The following EPS15 variants were observed in gnomAD, a reference collection of about 807,000 sequenced individuals.
The protein encoded by EPS15 is epidermal growth factor receptor pathway substrate 15.
A neutral mutation model predicts 113.8 loss-of-function variants in EPS15; 72 were observed. The ratio of observed to expected loss-of-function variants is 0.63; its 90% CI spans 0.52 to 0.77. EPS15 has a LOEUF of 0.77. Ranked by LOEUF, EPS15 falls within the 30% of genes least tolerant of loss-of-function variation. The pLI is 0.00. For missense variants in EPS15, 1,048 were observed against 1,045.8 expected, an observed-to-expected ratio of 1.00 and a Z score of -0.03; for synonymous variants, 344 against 363.4, an observed-to-expected ratio of 0.95 and a Z score of 0.61.
intron 5 of EPS15, among the ~76,000 whole-genome samples, chr1:51,465,820 A>C (rs1654803804): frequency 6.6e-6 from 1 of 152,038 alleles, no homozygotes; most frequent in Non-Finnish European, 1.5e-5. Context: ...AAAAGTGCAG[A>C]AATTCTCTAA....
At chr1:51,372,900 C>T (rs1209969015) in intron 21 of EPS15, 2 of 780,298 alleles carry the variant, frequency 2.6e-6, no homozygotes, top group Non-Finnish European at 3.7e-6. Flanking sequence ...CTGGAAAAAA[C>T]AGCCACAGGC....
intron 8 of EPS15, among the ~76,000 whole-genome samples, chr1:51,451,509 G>A (rs868018516): frequency 0.029 from 3,653 of 127,120 alleles, 90 homozygotes; most frequent in Non-Finnish European, 0.047. Flanking sequence ...AAAAAAAAAA[G>A]AAAGAAAGAA....
At chr1:51,427,833 A>T (rs953428432) in intron 12 of EPS15, among the ~76,000 whole-genome samples, 1 of 152,234 alleles carries the variant, frequency 6.6e-6, no homozygotes, top group Admixed American at 6.5e-5. Flanking sequence ...TAAGAAGCAG[A>T]CTAAGAAGAA....
At chr1:51,447,508 A>G (rs1005784904) in intron 9 of EPS15, among the ~76,000 whole-genome samples, 1 of 152,134 alleles carries the variant, frequency 6.6e-6, no homozygotes, top group African/African-American at 2.4e-5. Flanking sequence ...TGATTTGCAT[A>G]TCCTGTCATT....
Position 51,358,709 on chromosome 1 carries a change from G to GTTTTTTTTTT in EPS15, c.2545-1873_2545-1864dup, listed in dbSNP as rs71063028. Among the ~76,000 whole-genome samples the GTTTTTTTTTT allele has an allele frequency of 4.4e-4, 53 of 121,360 alleles. 1 individual carries two copies. Among genetic ancestry groups the GTTTTTTTTTT allele is most frequent in the Non-Finnish European group, 5.8e-4 (33 of 56,902 alleles). 79.6% of individuals were successfully genotyped at this position (121,360 alleles called of 152,430 possible). ...CTTCCAACCAGATTTGTTTTTTTTT[G>GTTTTTTTTTT]TTTTTTTTTTTTTTTTTGAGGCGGA... is the stretch of plus-strand genomic sequence containing the variant. On this transcript the variant is annotated intron_variant, in intron 24 of 24. Coordinates refer to ENST00000371733, the MANE Select transcript of EPS15 (RefSeq NM_001981.3).
intron 8 of EPS15, among the ~76,000 whole-genome samples, chr1:51,453,963 T>C (rs1653774556): frequency 6.6e-6 from 1 of 150,462 alleles, no homozygotes; most frequent in Admixed American, 6.6e-5. Flanking sequence ...GGCAGGAGAA[T>C]TGTTTGAACC....
chr1:51,504,502 GCAAA>G (rs1215910948), intron 1 of EPS15, among the ~76,000 whole-genome samples: 3 of 152,052 alleles, frequency 2.0e-5, no homozygotes, highest in Non-Finnish European at 4.4e-5. Flanking sequence ...GAAAATATAT[GCAAA>G]CCACGTATCT....
At chr1:51,409,807 G>A in intron 13 of EPS15, 111 bp from the exon 14 acceptor site, 1 of 707,414 alleles carries the variant, frequency 1.4e-6, no homozygotes, top group Non-Finnish European at 2.4e-6. Flanking sequence ...AGTATACTGT[G>A]TTGATGAGAC....
At chr1:51,492,719 C>CA (rs1055280568) in intron 1 of EPS15, among the ~76,000 whole-genome samples, 33 of 151,462 alleles carry the variant, frequency 2.2e-4, no homozygotes, top group African/African-American at 5.3e-4. Flanking sequence ...AACAAACAAA[C>CA]AAAAAAAACA....
chr1:51,501,804 C>T (rs570712803), intron 1 of EPS15, among the ~76,000 whole-genome samples: 1 of 152,210 alleles, frequency 6.6e-6, no homozygotes, highest in African/African-American at 2.4e-5. Context: ...AGATAAACTA[C>T]ATTTACCATG....
intron 22 of EPS15, among the ~76,000 whole-genome samples, chr1:51,364,699 A>G (rs1465956676): frequency 1.3e-5 from 2 of 151,806 alleles, no homozygotes; most frequent in Non-Finnish European, 2.9e-5. Context: ...GAGTTTCGTT[A>G]TGTTGCCCAG....
At chr1:51,437,193 C>T (rs773972963) in intron 12 of EPS15, among the ~76,000 whole-genome samples, 21 of 152,102 alleles carry the variant, frequency 1.4e-4, no homozygotes, top group Non-Finnish European at 2.4e-4. Flanking sequence ...ACAAAGACAA[C>T]GAAATCTCAT....
intron 15 of EPS15, among the ~76,000 whole-genome samples, chr1:51,406,539 A>C (rs1649148928): frequency 6.6e-6 from 1 of 152,230 alleles, no homozygotes. Flanking sequence ...TCCTTTAAGA[A>C]GAATCCTCTG....
At position 51,396,211 on chromosome 1, in the gene EPS15, T is replaced by C. The variant is rs114844227; in HGVS notation, c.2053-1764A>G. 9.2e-4 allele frequency among the ~76,000 whole-genome samples: 140 copies of C among 152,326 alleles called. 1 individual carries two copies. The highest frequency in any genetic ancestry group is 3.2e-3 in the African/African-American group (134 of 41,582). On this transcript the variant is annotated intron_variant, in intron 20 of 24. Transcript: ENST00000371733. ...AAAGAAAAACTTAAACTGGTCTATA[T>C]AGCGAGATAACTTTCCATGTTTCCT... is the stretch of plus-strand genomic sequence containing the variant.
rs1342778498 is a variant in EPS15, at chr1:51,465,065, T to C, written c.375+196A>G. ...ATTTTTCTTTACATTATAACAGATA[T>C]ACAAGTAGACCGATACTGTCACAAA... On this transcript the variant is annotated intron_variant, in intron 6 of 24. Transcript: ENST00000371733. Among the ~76,000 whole-genome samples the C allele has an allele frequency of 4.6e-5, 7 of 152,182 alleles. No individual in the cohort carries two copies. The South Asian group carries it at 8.3e-4, about 18-fold the overall frequency.
At chr1:51,434,546 G>A (rs1239870665) in intron 12 of EPS15, among the ~76,000 whole-genome samples, 2 of 152,192 alleles carry the variant, frequency 1.3e-5, no homozygotes, top group Admixed American at 6.5e-5. Context: ...TATGAGGAAG[G>A]GCGGGGAAAA....
chr1:51,362,044 A>C (rs1415182952), intron 23 of EPS15, among the ~76,000 whole-genome samples: 1 of 152,214 alleles, frequency 6.6e-6, no homozygotes, highest in African/African-American at 2.4e-5. Context: ...TTTTCAAACA[A>C]GTTCTCTAAG....
In EPS15 at chr1:51,471,748, G is replaced by A; in HGVS notation, c.166-11C>T. On this transcript the variant is annotated splice_polypyrimidine_tract_variant and intron_variant, in intron 3 of 24. Coordinates refer to ENST00000371733, the MANE Select transcript of EPS15 (RefSeq NM_001981.3). The stretch of plus-strand genomic sequence containing the variant: ...GGCTAAATCCCAAATCTGAAATTTA[G>A]GGGGAAAAAATATCAATGTATATTT... 1 of 1,597,078 alleles carries A rather than the reference G, an allele frequency of 6.3e-7. No individual in the cohort carries two copies. Among genetic ancestry groups the A allele is most frequent in the Non-Finnish European group, 8.6e-7 (1 of 1,165,976 alleles).
Position 51,399,128 on chromosome 1 carries a change from T to C in EPS15, c.1956A>G (p.Pro652=), listed in dbSNP as rs372953916. 97 of 1,614,050 alleles carry C rather than the reference T, an allele frequency of 6.0e-5. No individual in the cohort carries two copies. The Middle Eastern group carries it at 2.0e-3, about 33-fold the overall frequency. ...FGGDPFKGSD[P]FASDCFFRQS... is the part of the protein sequence containing the mutation. ...GCCTGAAGAAACAGTCTGATGCAAA[T>C]GGATCTGAACCTTTGAAAGGATCAC... Residue 652 remains proline, a synonymous_variant, in exon 20 of 25, where the codon CCA becomes CCG. Coordinates refer to ENST00000371733, the MANE Select transcript of EPS15 (RefSeq NM_001981.3).
Sources: gnomAD v4.1 joint callset for allele counts (sites outside exome capture counted in the v4.1 genomes callset) on GRCh38, gnomAD v4.1.1 for gene constraint, MANE v1.5 for transcripts, NCBI Gene and HGNC (gene_info 2026-07-23, HGNC 2026-07-21) for gene names.